OIT3: variants seen among roughly 807,000 people sequenced by gnomAD.
The protein encoded by OIT3 is oncoprotein-induced transcript 3 protein.
OIT3 carries 41 observed loss-of-function variants against 52.2 expected under a neutral mutation model. The ratio of observed to expected loss-of-function variants is 0.79; its 90% CI spans 0.61 to 1.02. The LOEUF (loss-of-function observed/expected upper bound fraction) is 1.02. Ranked by LOEUF, OIT3 falls within the 50% of genes least tolerant of loss-of-function variation. The pLI is 0.00. For synonymous variants in OIT3, 244 were observed against 276.9 expected, an observed-to-expected ratio of 0.88 and a Z score of 1.18; for missense variants, 634 against 715.5, an observed-to-expected ratio of 0.89 and a Z score of 1.30.
chr10:72,898,565 CA>C, intron 1 of OIT3, 98 bp from the exon 2 acceptor site: 9 of 1,171,164 alleles, frequency 7.7e-6, no homozygotes, highest in Non-Finnish European at 9.6e-6. Context: ...CTCTGGAATT[CA>C]AAAATGTCCA....
intron 1 of OIT3, among the ~76,000 whole-genome samples, chr10:72,894,191 A>T (rs1589518252): frequency 6.6e-6 from 1 of 152,210 alleles, no homozygotes; most frequent in East Asian, 1.9e-4. Flanking sequence ...CCAAAAAAAA[A>T]AAAATTAAAG....
At chr10:72,900,309 T>G in intron 2 of OIT3, 68 bp from the exon 3 acceptor site, 2 of 622,666 alleles carry the variant, frequency 3.2e-6, no homozygotes, top group Non-Finnish European at 2.8e-6. Context: ...CCGCACCATC[T>G]CTAAAAAGAA....
chr10:72,917,677 C>T, intron 6 of OIT3: 3 of 899,538 alleles, frequency 3.3e-6, no homozygotes, highest in South Asian at 2.6e-5. Flanking sequence ...TGAATAGCCT[C>T]TTGGTCAGTC....
At chr10:72,927,409 G>A (rs1289114340) in intron 7 of OIT3, among the ~76,000 whole-genome samples, 2 of 152,054 alleles carry the variant, frequency 1.3e-5, no homozygotes, top group Admixed American at 6.6e-5. Flanking sequence ...CAAAGTGCTG[G>A]GATTACAAAC....
At chr10:72,922,651 G>T (rs554667041) in intron 6 of OIT3, among the ~76,000 whole-genome samples, 22 of 151,966 alleles carry the variant, frequency 1.4e-4, no homozygotes, top group African/African-American at 5.3e-4. Flanking sequence ...AGCGAAGTTC[G>T]TTTTTATCCA....
intron 5 of OIT3, among the ~76,000 whole-genome samples, chr10:72,912,251 G>A (rs1020091976): frequency 1.3e-5 from 2 of 150,944 alleles, no homozygotes; most frequent in African/African-American, 4.9e-5. Context: ...ATTATTTTCT[G>A]GAAATCTAAT....
At chr10:72,899,488 G>A (rs887203750) in intron 2 of OIT3, among the ~76,000 whole-genome samples, 5 of 151,824 alleles carry the variant, frequency 3.3e-5, no homozygotes, top group Admixed American at 6.6e-5. Context: ...CCAGCTACCC[G>A]GGAGGCTGAG....
At chr10:72,910,608 A>G (rs1391386745) in intron 4 of OIT3, among the ~76,000 whole-genome samples, 1 of 152,260 alleles carries the variant, frequency 6.6e-6, no homozygotes, top group Non-Finnish European at 1.5e-5. Flanking sequence ...TTTCACAAAA[A>G]CTAATTCATG....
intron 2 of OIT3, among the ~76,000 whole-genome samples, chr10:72,899,976 T>C (rs1015933423): frequency 1.3e-5 from 2 of 152,174 alleles, no homozygotes; most frequent in Non-Finnish European, 2.9e-5. Flanking sequence ...TGGTGAGGTT[T>C]TGGATTTGCA....
chr10:72,893,998 T>C, intron 1 of OIT3, 139 bp downstream of exon 1: 1 of 537,792 alleles, frequency 1.9e-6, no homozygotes, highest in East Asian at 3.4e-5. Context: ...CTAATAATCC[T>C]TGAAAATAGA....
intron 8 of OIT3, among the ~76,000 whole-genome samples, chr10:72,930,959 A>C (rs534055994): frequency 6.6e-5 from 10 of 152,190 alleles, no homozygotes; most frequent in Non-Finnish European, 1.5e-4. Context: ...TGATTGGTCA[A>C]ATGGCAAGGG....
chr10:72,905,666 G>A (rs778867187), intron 3 of OIT3, among the ~76,000 whole-genome samples: 38 of 152,136 alleles, frequency 2.5e-4, no homozygotes, highest in Non-Finnish European at 4.7e-4. Flanking sequence ...GTGTAAAACC[G>A]TACTTCAGCC....
At chr10:72,926,848 T>A (rs566285927) in intron 7 of OIT3, among the ~76,000 whole-genome samples, 2 of 152,296 alleles carry the variant, frequency 1.3e-5, no homozygotes, top group Admixed American at 6.5e-5. Flanking sequence ...TTACTTTTTT[T>A]AAAAAATAAC....
intron 1 of OIT3, among the ~76,000 whole-genome samples, chr10:72,897,655 A>AATG (rs1845886141): frequency 6.6e-6 from 1 of 152,182 alleles, no homozygotes; most frequent in African/African-American, 2.4e-5. Context: ...ACTTTCTAAT[A>AATG]ATGCAAAATT....
At chr10:72,905,199 T>C (rs1399524996) in intron 3 of OIT3, among the ~76,000 whole-genome samples, 3 of 152,180 alleles carry the variant, frequency 2.0e-5, no homozygotes, top group East Asian at 3.9e-4. Context: ...GGCCAGGCAC[T>C]GAGGCTCATG....
intron 7 of OIT3, among the ~76,000 whole-genome samples, chr10:72,926,181 C>T (rs1009280198): frequency 3.9e-5 from 6 of 152,230 alleles, no homozygotes; most frequent in African/African-American, 1.4e-4. Context: ...TCAGCACCCT[C>T]GGGGGCTTGC....
At chr10:72,932,133 G>A (rs1320188502) in intron 8 of OIT3, among the ~76,000 whole-genome samples, 2 of 152,178 alleles carry the variant, frequency 1.3e-5, no homozygotes, top group African/African-American at 4.8e-5. Flanking sequence ...TGACTTAAAT[G>A]CAAACTTTGC....
intron 8 of OIT3, 134 bp from the exon 9 acceptor site, chr10:72,932,220 T>C: frequency 3.7e-6 from 3 of 804,740 alleles, no homozygotes; most frequent in Non-Finnish European, 2.1e-6. Context: ...ATGGGGATGA[T>C]AAACTCTACT....
chr10:72,898,645 G>T lies in OIT3; in HGVS notation c.62-19G>T, dbSNP rs1416602716. 1.3e-6 allele frequency: 2 copies of T among 1,588,898 alleles called. No homozygotes were observed. The highest frequency in any genetic ancestry group is 1.1e-5 in the South Asian group (1 of 89,404). On this transcript the variant is annotated intron_variant, in intron 1 of 8. Coordinates refer to ENST00000334011, the MANE Select transcript of OIT3 (RefSeq NM_152635.3). ...TCCGAAACACTCCAGGTACTCTGAG[G>T]TATCTTTTTCATTTCCAGCCCTAGA...
Sources: gnomAD v4.1 joint callset for allele counts (sites outside exome capture counted in the v4.1 genomes callset) on GRCh38, gnomAD v4.1.1 for gene constraint, MANE v1.5 for transcripts, NCBI Gene and HGNC (gene_info 2026-07-23, HGNC 2026-07-21) for gene names.